Variants in TRIM33 observed in about 807,000 individuals in gnomAD.
TRIM33 encodes the protein E3 ubiquitin-protein ligase TRIM33.
In TRIM33, 20 loss-of-function variants were observed where a neutral mutation model predicts 125.4. The ratio of observed to expected loss-of-function variants is 0.16; its 90% confidence interval spans 0.11 to 0.23. TRIM33 has a LOEUF of 0.23. TRIM33 is among the 10% of genes least tolerant of loss of function. The probability of loss-of-function intolerance (pLI) is 1.00; values close to 1 mark genes in which losing one functional copy is unlikely to be tolerated. For missense variants in TRIM33, 920 were observed against 1,411.4 expected (o/e 0.65, Z 5.58); for synonymous variants, 564 against 513.9 (o/e 1.10, Z -1.32).
intron 4 of TRIM33, among the ~76,000 whole-genome samples, chr1:114,457,127 G>C (rs138735495): frequency 1.4e-4 from 22 of 152,246 alleles, no homozygotes; most frequent in Non-Finnish European, 2.6e-4. Context: ...CTCCCAAAAA[G>C]AGGCCTACAT....
At chr1:114,407,176 A>G in intron 13 of TRIM33, 76 bp from the exon 14 acceptor site, 2 of 1,276,400 alleles carry the variant, frequency 1.6e-6, no homozygotes, top group Non-Finnish European at 2.2e-6. Context: ...ATGAAAAGTA[A>G]TGTTCACTAA....
intron 14 of TRIM33, among the ~76,000 whole-genome samples, chr1:114,406,573 T>C (rs915738718): frequency 1.3e-5 from 2 of 152,212 alleles, no homozygotes; most frequent in East Asian, 1.9e-4. Context: ...GCAATCTTAA[T>C]GCTGAGCTCA....
rs560249227 is a variant in TRIM33 at position 114,511,056 on chromosome 1, G to T, written c.21C>A (p.Gly7=). Residue 7 remains glycine (G), a synonymous_variant, in exon 1 of 20, where the codon GGC becomes GGA. Coordinates refer to ENST00000358465, the MANE Select transcript of TRIM33 (RefSeq NM_015906.4). MAENKG[G]GEAESGGGGS... ...CCCCGCCGCCGCTCTCAGCCTCGCC[G>T]CCGCCTTTGTTTTCCGCCATGTTTT... The T allele has an allele frequency of 5.4e-6, 7 of 1,299,202 alleles. 1 individual carries two copies. The African/African-American group carries it at 6.3e-5, about 12-fold the overall frequency. 80.5% of individuals were successfully genotyped at this position (1,299,202 alleles called of 1,614,324 possible).
chr1:114,402,847 T>C lies in TRIM33; in HGVS notation c.2805A>G (p.Gly935=). The C allele has an allele frequency of 6.2e-7, 1 of 1,614,088 alleles. No individual in the cohort carries two copies. The highest frequency in any genetic ancestry group is 8.5e-7 in the Non-Finnish European group (1 of 1,179,962). The change falls in exon 16 of 20, where the codon GGA becomes GGG. Residue 935 remains glycine (G), a synonymous_variant. Transcript: ENST00000358465. ...DWICTFCRDI[G]KPEVEYDCDN... ...CACAATCATATTCAACTTCTGGCTT[T>C]CCAATATCTCTACAAAATGTGCATA...
At chr1:114,457,352 T>C (rs959231055) in intron 4 of TRIM33, among the ~76,000 whole-genome samples, 2 of 152,164 alleles carry the variant, frequency 1.3e-5, no homozygotes, top group African/African-American at 4.8e-5. Context: ...ACCACTAGGA[T>C]TTTTGGACCA....
At chr1:114,416,054 C>T (rs533652616) in intron 11 of TRIM33, among the ~76,000 whole-genome samples, 1 of 151,744 alleles carries the variant, frequency 6.6e-6, no homozygotes, top group African/African-American at 2.4e-5. Context: ...CCGTTTGATC[C>T]TTCTATAATC....
chr1:114,506,275 G>A lies in TRIM33; in HGVS notation c.526+4276C>T, dbSNP rs540853971. On this transcript the variant is annotated intron_variant, in intron 1 of 19. Coordinates refer to ENST00000358465, the MANE Select transcript of TRIM33 (RefSeq NM_015906.4). ...GCGGGTGCCTATAATATCAGCTACTGGGGAGGCTGAGGCAGGAGAATCACT... is the reference window on the plus strand; with the variant it reads ...GCGGGTGCCTATAATATCAGCTACTAGGGAGGCTGAGGCAGGAGAATCACT... Among the ~76,000 whole-genome samples the A allele has an allele frequency of 2.6e-5, 4 of 151,734 alleles. No individual in the cohort carries two copies. The East Asian group carries it at 5.8e-4, about 22-fold the overall frequency.
At chr1:114,425,314 A>G in intron 9 of TRIM33, 135 bp downstream of exon 9, 1 of 1,190,702 alleles carries the variant, frequency 8.4e-7, no homozygotes. Flanking sequence ...ACCATAGCAA[A>G]TATTTAAACT....
intron 4 of TRIM33, among the ~76,000 whole-genome samples, chr1:114,457,164 C>T (rs1649676012): frequency 6.6e-6 from 1 of 152,160 alleles, no homozygotes; most frequent in African/African-American, 2.4e-5. Flanking sequence ...CAAAGACAGG[C>T]TGTATCTGAA....
At chr1:114,430,660 TA>T (rs1647888983) in intron 6 of TRIM33, 137 bp downstream of exon 6, 1 of 627,062 alleles carries the variant, frequency 1.6e-6, no homozygotes, top group Non-Finnish European at 2.8e-6. Context: ...CTTCCAAAAG[TA>T]AATTTTAAAA....
intron 13 of TRIM33, among the ~76,000 whole-genome samples, chr1:114,408,443 T>C (rs1390704822): frequency 1.3e-5 from 2 of 150,078 alleles, no homozygotes; most frequent in African/African-American, 4.8e-5. Context: ...GTTCCTTTCA[T>C]TAAGTGATAT....
At chr1:114,468,762 G>A in intron 1 of TRIM33, 3 of 383,672 alleles carry the variant, frequency 7.8e-6, no homozygotes, top group Admixed American at 3.6e-5. Flanking sequence ...AGAAGATGAA[G>A]ACAGCAAAAA....
Position 114,510,605 on chromosome 1 carries a change from C to G in TRIM33, c.472G>C (p.Glu158Gln). Residue 158 changes from glutamate (E) to glutamine (Q), a missense_variant, in exon 1 of 20, where the codon GAG (glutamate) becomes CAG (glutamine). Glu to Gln is a conservative substitution (Grantham distance 29, BLOSUM62 2). Transcript: ENST00000358465. ...GGGATGGGCACGCTGAGCTGGCGCT[C>G]CGGCTCGGGCAGGCAGCGCAGGCAG... Reference protein sequence around the residue: ...SFCLRCLPEPERQLSVPIPGG... With the variant: ...SFCLRCLPEPQRQLSVPIPGG... The G allele has an allele frequency of 6.4e-7, 1 of 1,552,616 alleles. No homozygotes were observed.
chr1:114,405,049 T>C (rs746672496), intron 15 of TRIM33: 12 of 164,042 alleles, frequency 7.3e-5, no homozygotes, highest in Non-Finnish European at 1.4e-4. Flanking sequence ...CTACCACTTG[T>C]AGATGCAAAA....
rs1164623069 is a variant in TRIM33, at chr1:114,510,630, G to A, written c.447C>T (p.Phe149=). 1 of 1,565,942 alleles carries A rather than the reference G, an allele frequency of 6.4e-7. No individual in the cohort carries two copies. The highest frequency in any genetic ancestry group is 2.3e-5 in the East Asian group (1 of 42,772). Residue 149 remains phenylalanine, a synonymous_variant, in exon 1 of 20, where the codon TTC becomes TTT. Transcript: ENST00000358465. Reference sequence around the variant, plus strand: ...CCGGCTCGGGCAGGCAGCGCAGGCAGAAGGAGTGAAGACAGGGCAGCAGCT... The same window carrying A: ...CCGGCTCGGGCAGGCAGCGCAGGCAAAAGGAGTGAAGACAGGGCAGCAGCT... ...EPKLLPCLHS[F]CLRCLPEPER...
At chr1:114,407,763 A>G (rs1652339058) in intron 13 of TRIM33, among the ~76,000 whole-genome samples, 1 of 152,214 alleles carries the variant, frequency 6.6e-6, no homozygotes, top group South Asian at 2.1e-4. Context: ...CATAAAGGTA[A>G]TAACAATAAA....
At chr1:114,453,091 C>T (rs1339665437) in intron 4 of TRIM33, among the ~76,000 whole-genome samples, 2 of 152,242 alleles carry the variant, frequency 1.3e-5, no homozygotes, top group Admixed American at 1.3e-4. Flanking sequence ...TGGATAGGCA[C>T]AGTGGCTCAT....
rs138603148 is a variant in TRIM33, at chr1:114,429,344, C to T, written c.1156-1450G>A. Among the ~76,000 whole-genome samples the T allele has an allele frequency of 5.8e-3, 877 of 151,854 alleles. 17 individuals carry two copies. Among genetic ancestry groups the T allele is most frequent in the Admixed American group, 0.035 (534 of 15,248 alleles). On this transcript the variant is annotated intron_variant, in intron 6 of 19. Transcript: ENST00000358465. ...CTGGGATTACAGGCATACACCACCA[C>T]GCCTGGCTAATTTTTGTTTTTTTTT...
chr1:114,400,523 C>T (rs2101080971), intron 17 of TRIM33, among the ~76,000 whole-genome samples: 1 of 152,276 alleles, frequency 6.6e-6, no homozygotes, highest in South Asian at 2.1e-4. Context: ...TTTAATAGTC[C>T]ATAAAAAGAA....
Sources: allele counts gnomAD v4.1 joint callset (sites outside exome capture counted in the v4.1 genomes callset), GRCh38; gene constraint gnomAD v4.1.1; transcripts MANE v1.5; gene names NCBI Gene and HGNC (gene_info 2026-07-23, HGNC 2026-07-21).